ATP8A2: variants seen among roughly 807,000 people sequenced by gnomAD.
The protein encoded by ATP8A2 is phospholipid-transporting ATPase IB.
In ATP8A2, 100 loss-of-function variants were observed where a neutral mutation model predicts 165.6. The ratio of observed to expected loss-of-function variants is 0.60; its 90% confidence interval spans 0.51 to 0.71. The LOEUF is 0.71. Among genes scored for constraint, ATP8A2 ranks in the 30% least tolerant of loss-of-function variants. The pLI is 0.00. For missense variants in ATP8A2, 1,227 were observed against 1,479.5 expected, an observed-to-expected ratio of 0.83 and a Z score of 2.80; for synonymous variants, 543 against 548.8, an observed-to-expected ratio of 0.99 and a Z score of 0.15.
chr13:25,750,078 A>G lies in ATP8A2; in HGVS notation c.2385-18968A>G, dbSNP rs2044121811. Among the ~76,000 whole-genome samples the G allele has an allele frequency of 6.6e-6, 1 of 152,224 alleles. No homozygotes were observed. Among genetic ancestry groups the G allele is most frequent in the Non-Finnish European group, 1.5e-5 (1 of 68,046 alleles). ...TGAGCTCCTGTTTGTATACGAAACA[A>G]CCAAGTTCATCTTTAGAAATCATCT... On this transcript the variant is annotated intron_variant, in intron 25 of 36. Coordinates refer to ENST00000381655, the MANE Select transcript of ATP8A2 (RefSeq NM_016529.6). The surrounding 1 kb of genome is among the most constrained non-coding windows in gnomAD (Gnocchi z 4.3).
chr13:25,875,898 C>T (rs995309583), intron 33 of ATP8A2, among the ~76,000 whole-genome samples: 1 of 152,146 alleles, frequency 6.6e-6, no homozygotes, highest in Non-Finnish European at 1.5e-5. Flanking sequence ...AATCATTCTC[C>T]GATAGTTTTA....
rs555870242 is a variant in ATP8A2, at chr13:25,411,945, C to T, written c.76+39657C>T. ...TGCCCAAACTCTTCTCCTCCTAAAACTATCTAAATAAAAATGCAGTTTTTG... is the reference window on the plus strand; with the variant it reads ...TGCCCAAACTCTTCTCCTCCTAAAATTATCTAAATAAAAATGCAGTTTTTG... On this transcript the variant is annotated intron_variant, in intron 1 of 36. Transcript: ENST00000381655. Among the ~76,000 whole-genome samples, 59 of 152,318 alleles carry T rather than the reference C, an allele frequency of 3.9e-4. No individual in the cohort carries two copies. In the South Asian group the frequency reaches 0.012, roughly 31 times the overall value.
Position 25,435,932 on chromosome 13 carries a change from A to AGTGT in ATP8A2, c.77-33029_77-33026dup, listed in dbSNP as rs781137300. On this transcript the variant is annotated intron_variant, in intron 1 of 36. Transcript: ENST00000381655. ...AGCATCGTGTGTGTGTGTGTGTGTG[A>AGTGT]GTGTGTGTGTGTGTGTGTGAGTGTG... Among the ~76,000 whole-genome samples, 4 of 75,800 alleles carry AGTGT rather than the reference A, an allele frequency of 5.3e-5. No individual in the cohort carries two copies. The South Asian group carries it at 2.0e-3, about 37-fold the overall frequency. The allele number at this position is 75,800 out of a possible 152,430, so 49.7% of individuals were successfully genotyped here.
At chr13:25,872,684 T>C (rs1041798649) in intron 33 of ATP8A2, among the ~76,000 whole-genome samples, 1 of 152,212 alleles carries the variant, frequency 6.6e-6, no homozygotes, top group African/African-American at 2.4e-5. Flanking sequence ...AGCCAACAAT[T>C]CTAACTGGCT....
chr13:25,566,223 A>G (rs2039309358), intron 16 of ATP8A2, among the ~76,000 whole-genome samples: 1 of 152,074 alleles, frequency 6.6e-6, no homozygotes, highest in African/African-American at 2.4e-5. Flanking sequence ...GAAGTGGTCC[A>G]AGCCCACAGA....
At chr13:25,815,339 C>G (rs1370398828) in intron 27 of ATP8A2, among the ~76,000 whole-genome samples, 1 of 152,064 alleles carries the variant, frequency 6.6e-6, no homozygotes, top group African/African-American at 2.4e-5. Context: ...TGAAGAGCTC[C>G]TAAACACAAC....
At chr13:25,421,156 A>G (rs2034287450) in intron 1 of ATP8A2, among the ~76,000 whole-genome samples, 1 of 152,218 alleles carries the variant, frequency 6.6e-6, no homozygotes, top group Non-Finnish European at 1.5e-5. Context: ...ATTAAAAATC[A>G]TTTCGCATAG....
intron 24 of ATP8A2, among the ~76,000 whole-genome samples, chr13:25,620,061 G>C (rs1426340479): frequency 6.6e-6 from 1 of 152,164 alleles, no homozygotes; most frequent in Non-Finnish European, 1.5e-5. Flanking sequence ...ATAGGGCAGA[G>C]TAAATATTTG....
chr13:25,492,900 G>C (rs1321771865), intron 2 of ATP8A2, among the ~76,000 whole-genome samples: 2 of 152,318 alleles, frequency 1.3e-5, no homozygotes, highest in African/African-American at 4.8e-5. Flanking sequence ...CAAGGATGTG[G>C]GGTCCGTTCC....
chr13:25,996,529 A>G (rs113717562), intron 35 of ATP8A2, among the ~76,000 whole-genome samples: 1 of 151,938 alleles, frequency 6.6e-6, no homozygotes, highest in African/African-American at 2.4e-5. Context: ...TCTTATTATT[A>G]TTTTTTATTT....
At chr13:25,678,622 C>T (rs1160005406) in intron 24 of ATP8A2, among the ~76,000 whole-genome samples, 1 of 152,176 alleles carries the variant, frequency 6.6e-6, no homozygotes, top group East Asian at 1.9e-4. Flanking sequence ...GGCAGCTTGC[C>T]TTCCAGCACA....
At chr13:25,531,386 A>AT (rs1491390230) in intron 4 of ATP8A2, among the ~76,000 whole-genome samples, 42 of 58,426 alleles carry the variant, frequency 7.2e-4, no homozygotes, top group African/African-American at 2.5e-3. Context: ...TATATATATG[A>AT]TATATATATG....
chr13:25,377,903 G>A (rs975227867), intron 1 of ATP8A2, among the ~76,000 whole-genome samples: 4 of 152,170 alleles, frequency 2.6e-5, no homozygotes, highest in African/African-American at 9.7e-5. Context: ...AGGTTCACTT[G>A]AGGCCAGGAG....
rs149405558 is a variant in ATP8A2, at chr13:25,856,630, A to G, written c.2957-3565A>G. On this transcript the variant is annotated intron_variant, in intron 30 of 36. Transcript: ENST00000381655. ...ATCATCTTTTCCATTTTAACATTTT[A>G]AGCATACAATTCAGAGACATTAATT... Among the ~76,000 whole-genome samples, 107 of 152,334 alleles carry G rather than the reference A, an allele frequency of 7.0e-4. 1 individual carries two copies. The highest frequency in any genetic ancestry group is 2.5e-3 in the African/African-American group (105 of 41,570).
intron 24 of ATP8A2, among the ~76,000 whole-genome samples, chr13:25,598,454 T>C (rs745390658): frequency 6.6e-5 from 10 of 152,218 alleles, no homozygotes; most frequent in Admixed American, 3.9e-4. Context: ...TTTGACACTT[T>C]AATGGGATTG....
intron 24 of ATP8A2, among the ~76,000 whole-genome samples, chr13:25,638,508 T>C (rs965533659): frequency 5.3e-5 from 8 of 152,076 alleles, no homozygotes; most frequent in Admixed American, 4.6e-4. Context: ...AGGGTATCAG[T>C]GATTGAAGAT....
intron 1 of ATP8A2, among the ~76,000 whole-genome samples, chr13:25,430,280 G>A (rs2034571312): frequency 2.0e-5 from 3 of 152,028 alleles, no homozygotes; most frequent in South Asian, 4.2e-4. Context: ...CTGTGGGGGC[G>A]TCTCCGGTAA....
chr13:25,861,017 G>A (rs570064317), intron 32 of ATP8A2, among the ~76,000 whole-genome samples, 157 bp downstream of exon 32: 77 of 152,210 alleles, frequency 5.1e-4, no homozygotes, highest in African/African-American at 1.8e-3. Context: ...GGGTAAATTT[G>A]CAATCCAAAG....
intron 1 of ATP8A2, among the ~76,000 whole-genome samples, chr13:25,395,611 C>T (rs1337006287): frequency 6.6e-6 from 1 of 152,118 alleles, no homozygotes; most frequent in African/African-American, 2.4e-5. Flanking sequence ...TCATAGCTCA[C>T]TGCAGCCTTG....
Sources: allele counts gnomAD v4.1 joint callset (sites outside exome capture counted in the v4.1 genomes callset), GRCh38; gene constraint gnomAD v4.1.1; non-coding constraint Gnocchi (gnomAD v3.1); transcripts MANE v1.5; gene names NCBI Gene and HGNC (gene_info 2026-07-23, HGNC 2026-07-21).